CWC27: variants seen among roughly 807,000 people sequenced by gnomAD.
CWC27 encodes the protein CWC27 spliceosome associated cyclophilin.
CWC27 carries 47 observed loss-of-function variants against 63.6 expected under a neutral mutation model. That is an observed-to-expected ratio of 0.74 (90% confidence interval 0.58 to 0.94). The LOEUF is 0.94. CWC27 is among the 40% of genes least tolerant of loss of function. The pLI, the probability that CWC27 is intolerant of heterozygous loss-of-function variation, is 0.00. For synonymous variants in CWC27, 175 were observed against 179.8 expected (o/e 0.97, Z 0.22); for missense variants, 495 against 554.3 (o/e 0.89, Z 1.07).
intron 11 of CWC27, among the ~76,000 whole-genome samples, chr5:64,895,961 G>T (rs2112357274): frequency 6.6e-6 from 1 of 152,168 alleles, no homozygotes; most frequent in South Asian, 2.1e-4. Context: ...GGCAAATAGA[G>T]GCAATATTTA....
At chr5:64,781,349 T>G (rs1306750939) in intron 2 of CWC27, among the ~76,000 whole-genome samples, 1 of 152,180 alleles carries the variant, frequency 6.6e-6, no homozygotes, top group Non-Finnish European at 1.5e-5. Context: ...CTATAACTAA[T>G]AAGTAATTTT....
intron 11 of CWC27, among the ~76,000 whole-genome samples, chr5:64,891,406 A>G (rs1747233358): frequency 6.6e-6 from 1 of 152,178 alleles, no homozygotes; most frequent in Admixed American, 6.5e-5. Context: ...GAAACCATGC[A>G]ATATTTTAAA....
rs1746199805 is a variant in CWC27, at chr5:64,854,152, C to T, written c.939-31291C>T. ...CTATGTATCAGTTTCCTTTTTAAGGCTGGATAACATTCCGTTTTATGTATA... is the reference window on the plus strand; with the variant it reads ...CTATGTATCAGTTTCCTTTTTAAGGTTGGATAACATTCCGTTTTATGTATA... On this transcript the variant is annotated intron_variant, in intron 10 of 13. Transcript: ENST00000381070. Among the ~76,000 whole-genome samples the T allele has an allele frequency of 2.0e-5, 3 of 152,188 alleles. No individual in the cohort carries two copies. In the South Asian group the frequency reaches 6.2e-4, roughly 31 times the overall value.
chr5:65,015,250 C>G (rs572597934), intron 13 of CWC27, among the ~76,000 whole-genome samples: 21 of 152,198 alleles, frequency 1.4e-4, no homozygotes, highest in African/African-American at 4.8e-4. Flanking sequence ...AAATTCTGAT[C>G]AAGTCATTTT....
intron 10 of CWC27, among the ~76,000 whole-genome samples, chr5:64,823,706 G>A (rs1219514061): frequency 6.6e-6 from 1 of 152,184 alleles, no homozygotes; most frequent in Non-Finnish European, 1.5e-5. Flanking sequence ...GGGAATCTCT[G>A]TAAAATGTTA....
At chr5:64,970,761 A>T (rs928381434) in intron 11 of CWC27, among the ~76,000 whole-genome samples, 4 of 150,572 alleles carry the variant, frequency 2.7e-5, no homozygotes, top group Non-Finnish European at 4.4e-5. Context: ...CTTAGTTCAA[A>T]TTTTTTTTTT....
intron 11 of CWC27, among the ~76,000 whole-genome samples, chr5:64,970,910 G>A (rs10077685): frequency 0.21 from 32,487 of 151,614 alleles, 3,981 homozygotes; most frequent in South Asian, 0.36. Flanking sequence ...GATTACATCT[G>A]GCTTATCGTT....
chr5:64,849,761 T>C (rs1337354651), intron 10 of CWC27, among the ~76,000 whole-genome samples: 2 of 152,040 alleles, frequency 1.3e-5, no homozygotes, highest in Admixed American at 6.6e-5. Flanking sequence ...TGATAGTGAG[T>C]TCTCATGAGA....
chr5:64,847,763 A>G (rs1385158441), intron 10 of CWC27, among the ~76,000 whole-genome samples: 1 of 152,200 alleles, frequency 6.6e-6, no homozygotes, highest in African/African-American at 2.4e-5. Context: ...ATTGCACAAC[A>G]TGTTTCTAAA....
rs563671253 is a variant in CWC27 at position 65,017,130 on chromosome 5, G to C, written c.1257-1029G>C. ...AGGTCAGAAGTTTGAGACCAGCCTG[G>C]CCAGCATGGTGAAACCCCGTCTCTG... On this transcript the variant is annotated intron_variant, in intron 13 of 13. Coordinates refer to ENST00000381070, the MANE Select transcript of CWC27 (RefSeq NM_005869.4). 1.5e-4 allele frequency among the ~76,000 whole-genome samples: 23 copies of C among 152,084 alleles called. No individual in the cohort carries two copies. In the South Asian group the frequency reaches 3.1e-3, roughly 21 times the overall value.
chr5:64,772,475 A>T (rs562717138), intron 1 of CWC27, among the ~76,000 whole-genome samples: 1 of 151,544 alleles, frequency 6.6e-6, no homozygotes, highest in East Asian at 1.9e-4. Context: ...AAATGCAAAA[A>T]AAGTAGCCGG....
At chr5:64,910,245 G>A (rs538884492) in intron 11 of CWC27, among the ~76,000 whole-genome samples, 60 of 152,322 alleles carry the variant, frequency 3.9e-4, no homozygotes, top group African/African-American at 1.3e-3. Context: ...GTTTGCCTGG[G>A]TATCACCAGC....
intron 11 of CWC27, among the ~76,000 whole-genome samples, chr5:64,969,155 A>C (rs766593226): frequency 2.0e-5 from 3 of 152,236 alleles, no homozygotes; most frequent in Non-Finnish European, 2.9e-5. Flanking sequence ...TAAAATAAGC[A>C]ATGCTGAATC....
intron 11 of CWC27, among the ~76,000 whole-genome samples, chr5:64,926,929 T>C (rs543221916): frequency 6.6e-6 from 1 of 152,216 alleles, no homozygotes; most frequent in Non-Finnish European, 1.5e-5. Flanking sequence ...GTTTGTTCTA[T>C]TAGGTGGTTG....
At chr5:64,855,025 C>T (rs1746218748) in intron 10 of CWC27, among the ~76,000 whole-genome samples, 1 of 152,054 alleles carries the variant, frequency 6.6e-6, no homozygotes, top group South Asian at 2.1e-4. Context: ...GCTTCCTCCC[C>T]TGCAATGCCT....
chr5:64,797,662 A>T (rs957403437), intron 7 of CWC27, among the ~76,000 whole-genome samples: 5 of 152,180 alleles, frequency 3.3e-5, no homozygotes, highest in Non-Finnish European at 7.3e-5. Flanking sequence ...ATTACTTTTT[A>T]AATTAGCTAA....
At chr5:64,977,069 T>A in intron 12 of CWC27, 66 bp from the exon 13 acceptor site, 1 of 941,348 alleles carries the variant, frequency 1.1e-6, no homozygotes, top group Non-Finnish European at 1.5e-6. Context: ...CTACCAAACT[T>A]AAGCATCTCT....
At chr5:64,798,938 C>G (rs1243828302) in intron 7 of CWC27, among the ~76,000 whole-genome samples, 2 of 152,122 alleles carry the variant, frequency 1.3e-5, no homozygotes, top group Admixed American at 6.6e-5. Context: ...CATCTTCCCC[C>G]CTCAAGATAC....
intron 13 of CWC27, among the ~76,000 whole-genome samples, chr5:64,998,355 G>A (rs998775945): frequency 6.6e-6 from 1 of 152,000 alleles, no homozygotes; most frequent in African/African-American, 2.4e-5. Flanking sequence ...GAAACCCCAG[G>A]GCAGGTGTAA....
Sources: allele counts gnomAD v4.1 joint callset (sites outside exome capture counted in the v4.1 genomes callset), GRCh38; gene constraint gnomAD v4.1.1; transcripts MANE v1.5; gene names NCBI Gene and HGNC (gene_info 2026-07-23, HGNC 2026-07-21).